Variants in TMEM38B observed in about 807,000 individuals in gnomAD.
The protein encoded by TMEM38B is trimeric intracellular cation channel type B.
TMEM38B carries 24 observed loss-of-function variants against 28.7 expected under a neutral mutation model. That is an observed-to-expected ratio of 0.84 (90% CI 0.61 to 1.18). TMEM38B has a LOEUF of 1.18. TMEM38B is among the 50% of genes most tolerant of loss of function. TMEM38B has a pLI of 0.00. For missense variants in TMEM38B, 380 were observed against 350.9 expected, an observed-to-expected ratio of 1.08 and a Z score of -0.66; for synonymous variants, 131 against 127.7, an observed-to-expected ratio of 1.03 and a Z score of -0.17.
At chr9:105,721,773 ATACCAT>A in intron 3 of TMEM38B, 52 bp downstream of exon 3, 1 of 1,361,206 alleles carries the variant, frequency 7.3e-7, no homozygotes, top group South Asian at 1.4e-5. Flanking sequence ...TGTATTATTA[ATACCAT>A]TACTGAACAA....
chr9:105,711,042 A>G (rs1222160200), intron 2 of TMEM38B, among the ~76,000 whole-genome samples: 1 of 152,252 alleles, frequency 6.6e-6, no homozygotes, highest in Non-Finnish European at 1.5e-5. Context: ...TTAGTTACAA[A>G]AAGTATTTAT....
At chr9:105,714,898 C>T (rs927103807) in intron 2 of TMEM38B, among the ~76,000 whole-genome samples, 2 of 152,076 alleles carry the variant, frequency 1.3e-5, no homozygotes, top group African/African-American at 4.8e-5. Flanking sequence ...TATGTCTAGG[C>T]CTTTTTAGTG....
chr9:105,715,108 G>C (rs1368764748), intron 2 of TMEM38B, among the ~76,000 whole-genome samples: 1 of 151,744 alleles, frequency 6.6e-6, no homozygotes, highest in Non-Finnish European at 1.5e-5. Flanking sequence ...ATTTTTTTCT[G>C]TATTATGCAC....
At chr9:105,773,729 AC>A in intron 5 of TMEM38B, 135 bp from the exon 6 acceptor site, 1 of 725,392 alleles carries the variant, frequency 1.4e-6, no homozygotes, top group Non-Finnish European at 2.2e-6. Flanking sequence ...CAGAGATTTT[AC>A]CAGAATCTAG....
intron 5 of TMEM38B, chr9:105,759,083 C>G: frequency 1.2e-6 from 1 of 802,458 alleles, no homozygotes; most frequent in Non-Finnish European, 2.3e-6. Flanking sequence ...CCATGAAGTG[C>G]CTAGCAAATT....
At chr9:105,730,637 A>G (rs975931326) in intron 4 of TMEM38B, among the ~76,000 whole-genome samples, 23 of 152,332 alleles carry the variant, frequency 1.5e-4, no homozygotes, top group African/African-American at 5.0e-4. Context: ...TTCAGAAGGA[A>G]TGGTACTAGC....
intron 4 of TMEM38B, among the ~76,000 whole-genome samples, chr9:105,746,269 G>C (rs1413105173): frequency 1.3e-5 from 2 of 152,170 alleles, no homozygotes; most frequent in Non-Finnish European, 2.9e-5. Context: ...GTGGTTTGTA[G>C]TTCTCCTTGA....
At chr9:105,694,794 C>A (rs1835221389) in intron 1 of TMEM38B, 22 bp downstream of exon 1, 2 of 1,586,328 alleles carry the variant, frequency 1.3e-6, no homozygotes, top group Admixed American at 1.7e-5. Context: ...GCGCCGCGGG[C>A]CGGACCCCTC....
Position 105,774,839 on chromosome 9 carries a change from A to G in TMEM38B, c.*759A>G, listed in dbSNP as rs868833554. On this transcript the variant is annotated 3_prime_UTR_variant, in exon 6 of 6. Transcript: ENST00000374692. ...TAATTTTTAATAAATTGTTAATCCT[A>G]TGTTTTGTAATTTTCATTTTAGGAG... 1.8e-4 allele frequency: 27 copies of G among 152,024 alleles called. No individual in the cohort carries two copies. The highest frequency in any genetic ancestry group is 4.8e-4 in the African/African-American group (20 of 41,514). 9.4% of individuals were successfully genotyped at this position (152,024 alleles called of 1,614,324 possible). A position where few individuals can be genotyped will look rare whatever the true frequency, so the allele number is the denominator to read the frequency against.
intron 5 of TMEM38B, among the ~76,000 whole-genome samples, chr9:105,753,864 G>A (rs1837740919): frequency 1.3e-5 from 2 of 152,140 alleles, no homozygotes; most frequent in South Asian, 4.1e-4. Context: ...TAAAGACACA[G>A]AATGGCAGGC....
At chr9:105,753,247 G>A (rs1165004954) in intron 5 of TMEM38B, among the ~76,000 whole-genome samples, 1 of 152,110 alleles carries the variant, frequency 6.6e-6, no homozygotes, top group African/African-American at 2.4e-5. Context: ...CATACTTCAG[G>A]ATATCATCCA....
At chr9:105,719,544 C>T (rs1390811435) in intron 2 of TMEM38B, among the ~76,000 whole-genome samples, 1 of 152,088 alleles carries the variant, frequency 6.6e-6, no homozygotes, top group Non-Finnish European at 1.5e-5. Context: ...CTACTGAGCA[C>T]AATAAACAAT....
At chr9:105,707,646 T>C (rs567842254) in intron 2 of TMEM38B, among the ~76,000 whole-genome samples, 34 of 152,342 alleles carry the variant, frequency 2.2e-4, no homozygotes, top group African/African-American at 8.2e-4. Flanking sequence ...TTATATTCAT[T>C]GTTATATTTA....
rs1302465952 is a variant in TMEM38B, at chr9:105,774,026, G to A, written c.822G>A (p.Pro274=). ...SNGVGSLASK[P]VDVASDNVKK... Reference sequence around the variant, plus strand: ...GCGTTGGGTCATTGGCCTCAAAGCCGGTAGATGTTGCCTCAGATAATGTTA... The same window carrying A: ...GCGTTGGGTCATTGGCCTCAAAGCCAGTAGATGTTGCCTCAGATAATGTTA... The change falls in exon 6 of 6, where the codon CCG becomes CCA. Residue 274 remains proline (P), a synonymous_variant. Transcript: ENST00000374692. The A allele has an allele frequency of 3.1e-6, 5 of 1,613,560 alleles. No homozygotes were observed. Among genetic ancestry groups the A allele is most frequent in the South Asian group, 1.1e-5 (1 of 91,074 alleles).
At chr9:105,710,394 A>G in intron 2 of TMEM38B, 1,023 of 782,334 alleles carry the variant, frequency 1.3e-3, no homozygotes, top group Non-Finnish European at 2.0e-3. Flanking sequence ...TGACTTCATG[A>G]TCTCCTTCTT....
At chr9:105,750,813 A>G (rs1284542360) in intron 5 of TMEM38B, among the ~76,000 whole-genome samples, 1 of 152,130 alleles carries the variant, frequency 6.6e-6, no homozygotes, top group Non-Finnish European at 1.5e-5. Flanking sequence ...TTTGAGTTAA[A>G]TTTTGTGTAT....
chr9:105,721,705 T>C lies in TMEM38B; in HGVS notation c.438T>C (p.Ala146=). 1 of 1,612,226 alleles carries C rather than the reference T, an allele frequency of 6.2e-7. No homozygotes were observed. The highest frequency in any genetic ancestry group is 8.5e-7 in the Non-Finnish European group (1 of 1,179,028). Residue 146 remains alanine (A), a synonymous_variant, in exon 3 of 6, where the codon GCT becomes GCC. Coordinates refer to ENST00000374692, the MANE Select transcript of TMEM38B (RefSeq NM_018112.3). ...YYKNGWIVMI[A]IGWARGAGGT... is the part of the protein sequence containing the mutation. ...AAAATGGCTGGATAGTCATGATAGC[T>C]ATTGGATGGGCCCGAGGTAATATTG...
chr9:105,761,604 C>T (rs1278958593), intron 5 of TMEM38B, among the ~76,000 whole-genome samples: 2 of 152,058 alleles, frequency 1.3e-5, no homozygotes. Flanking sequence ...ACAACATTAC[C>T]TACTGCAATC....
chr9:105,747,561 TG>T lies in TMEM38B; in HGVS notation c.543-511del, dbSNP rs568094833. On this transcript the variant is annotated intron_variant, in intron 4 of 5. Coordinates refer to ENST00000374692, the MANE Select transcript of TMEM38B (RefSeq NM_018112.3). ...TTCATTGATTTTTTGAAGGGTTTTTTGTGTCTCTATCTCCTTCAGTTCTGCT... is the reference window on the plus strand; with the variant it reads ...TTCATTGATTTTTTGAAGGGTTTTTTTGTCTCTATCTCCTTCAGTTCTGCT... 1.1e-3 allele frequency among the ~76,000 whole-genome samples: 170 copies of T among 152,312 alleles called. 1 individual carries two copies. The highest frequency in any genetic ancestry group is 3.8e-3 in the African/African-American group (157 of 41,572).
Sources: gnomAD v4.1 joint callset for allele counts (sites outside exome capture counted in the v4.1 genomes callset) on GRCh38, gnomAD v4.1.1 for gene constraint, MANE v1.5 for transcripts, NCBI Gene and HGNC (gene_info 2026-07-23, HGNC 2026-07-21) for gene names.